DCLK2: variants seen among roughly 807,000 people sequenced by gnomAD.
DCLK2 encodes serine/threonine-protein kinase DCLK2.
A neutral mutation model predicts 78.4 loss-of-function variants in DCLK2; 31 were observed. The observed-to-expected ratio is 0.40, with a 90% CI of 0.30 to 0.53. DCLK2 has a LOEUF of 0.53. Among genes scored for constraint, DCLK2 ranks in the 20% least tolerant of loss-of-function variants. The pLI is 0.61. For synonymous variants in DCLK2, 407 were observed against 374.9 expected, an observed-to-expected ratio of 1.09 and a Z score of -0.99; for missense variants, 872 against 973.7, an observed-to-expected ratio of 0.90 and a Z score of 1.39.
At chr4:150,127,837 C>T (rs1733026467) in intron 2 of DCLK2, among the ~76,000 whole-genome samples, 1 of 152,146 alleles carries the variant, frequency 6.6e-6, no homozygotes, top group African/African-American at 2.4e-5. Context: ...GGTTATTGCC[C>T]AGTATAAGAG....
chr4:150,231,439 T>C (rs2169084), intron 8 of DCLK2, among the ~76,000 whole-genome samples: 1 of 152,252 alleles, frequency 6.6e-6, no homozygotes. Context: ...TCATTTGTTA[T>C]AATTTCTATT....
chr4:150,169,299 T>G (rs964508050), intron 2 of DCLK2, among the ~76,000 whole-genome samples: 1 of 152,232 alleles, frequency 6.6e-6, no homozygotes, highest in Non-Finnish European at 1.5e-5. Flanking sequence ...TTAAAAACTT[T>G]AGACAAATTA....
At chr4:150,217,735 A>G (rs1414465101) in intron 5 of DCLK2, among the ~76,000 whole-genome samples, 1 of 152,206 alleles carries the variant, frequency 6.6e-6, no homozygotes, top group South Asian at 2.1e-4. Context: ...GTTCAGCTGC[A>G]CTATAATAAA....
In DCLK2 at chr4:150,079,927, G is replaced by T. The variant is rs1020132648; in HGVS notation, c.421+479G>T. On this transcript the variant is annotated intron_variant, in intron 1 of 15. Coordinates refer to ENST00000296550, the MANE Select transcript of DCLK2 (RefSeq NM_001040260.4). ...TGCTCTAGGTTGGCTTTCCTAGTTT[G>T]CCTTGCAGCAGAAGTTACTTGAGGT... Among the ~76,000 whole-genome samples, 10 of 152,264 alleles carry T rather than the reference G, an allele frequency of 6.6e-5. No homozygotes were observed. In the East Asian group the frequency reaches 1.9e-3, roughly 29 times the overall value.
At chr4:150,217,576 C>T (rs1273934353) in intron 5 of DCLK2, among the ~76,000 whole-genome samples, 1 of 152,198 alleles carries the variant, frequency 6.6e-6, no homozygotes, top group Non-Finnish European at 1.5e-5. Context: ...GTGCACCTAT[C>T]CCTCCTCATA....
At chr4:150,107,131 T>C (rs914019943) in intron 2 of DCLK2, among the ~76,000 whole-genome samples, 1 of 152,278 alleles carries the variant, frequency 6.6e-6, no homozygotes, top group African/African-American at 2.4e-5. Flanking sequence ...AGCCACGACA[T>C]CATCCTTTCT....
At position 150,253,455 on chromosome 4, in the gene DCLK2, T is replaced by C. The variant is rs528058557; in HGVS notation, c.2074-2565T>C. On this transcript the variant is annotated intron_variant, in intron 15 of 15. Transcript: ENST00000296550. The stretch of plus-strand genomic sequence containing the variant: ...AAAAAAAGTAAAGTTGATGGTGTTA[T>C]CTGCATTTTGTTTGACAGTTTGATT... The C allele has an allele frequency of 2.7e-5, 35 of 1,289,708 alleles. No homozygotes were observed. The African/African-American group carries it at 3.5e-4, about 13-fold the overall frequency. 79.9% of individuals were successfully genotyped at this position (1,289,708 alleles called of 1,614,324 possible). A position where few individuals can be genotyped will look rare whatever the true frequency, so the allele number is the denominator to read the frequency against.
At chr4:150,213,998 A>G (rs1458641626) in intron 5 of DCLK2, among the ~76,000 whole-genome samples, 1 of 152,232 alleles carries the variant, frequency 6.6e-6, no homozygotes, top group Non-Finnish European at 1.5e-5. Context: ...TTCACAGGTC[A>G]ATGGAGATGA....
At chr4:150,243,273 G>C (rs1462251594) in intron 12 of DCLK2, among the ~76,000 whole-genome samples, 6 of 152,140 alleles carry the variant, frequency 3.9e-5, no homozygotes, top group African/African-American at 1.4e-4. Context: ...CTTATATGCT[G>C]CCTTCAGAAG....
intron 2 of DCLK2, among the ~76,000 whole-genome samples, chr4:150,171,026 AT>A (rs1736490114): frequency 1.3e-5 from 2 of 152,216 alleles, no homozygotes; most frequent in South Asian, 4.1e-4. Context: ...TTCTTAATTT[AT>A]TTGGTCTTCT....
intron 15 of DCLK2, chr4:150,253,613 G>A (rs1744345361): frequency 3.4e-5 from 44 of 1,283,434 alleles, no homozygotes; most frequent in Non-Finnish European, 4.4e-5. Context: ...TCTCACGCCT[G>A]CATGCTTGTC....
chr4:150,243,374 T>C (rs1743067104), intron 12 of DCLK2, among the ~76,000 whole-genome samples: 1 of 151,074 alleles, frequency 6.6e-6, no homozygotes, highest in Admixed American at 6.6e-5. Flanking sequence ...TCTGTAATGT[T>C]AAACGTGTGT....
chr4:150,168,351 A>C (rs1736262147), intron 2 of DCLK2, among the ~76,000 whole-genome samples: 1 of 151,984 alleles, frequency 6.6e-6, no homozygotes, highest in Non-Finnish European at 1.5e-5. Context: ...CATCTCAAAA[A>C]AAAAAAAAAA....
intron 10 of DCLK2, among the ~76,000 whole-genome samples, chr4:150,238,802 G>T (rs559007473): frequency 3.3e-5 from 5 of 152,094 alleles, no homozygotes; most frequent in Non-Finnish European, 7.4e-5. Context: ...TGACTTCAGA[G>T]GTCACACAAC....
At chr4:150,138,993 TA>T (rs148410999) in intron 2 of DCLK2, among the ~76,000 whole-genome samples, 41,093 of 145,510 alleles carry the variant, frequency 0.28, 6,870 homozygotes, top group South Asian at 0.6. Context: ...TTTTTAAATT[TA>T]AAAAAAAAAA....
chr4:150,178,892 T>A (rs1251384826), intron 2 of DCLK2, among the ~76,000 whole-genome samples: 1 of 152,156 alleles, frequency 6.6e-6, no homozygotes, highest in Non-Finnish European at 1.5e-5. Context: ...ATGCAACAAA[T>A]CAGAAGTTGG....
intron 1 of DCLK2, among the ~76,000 whole-genome samples, chr4:150,101,117 T>C (rs1169465194): frequency 6.6e-6 from 1 of 152,108 alleles, no homozygotes; most frequent in East Asian, 1.9e-4. Context: ...TAGCCAGGCA[T>C]AGTGGCATGT....
chr4:150,218,632 A>G (rs1740931396), intron 5 of DCLK2, among the ~76,000 whole-genome samples: 1 of 152,212 alleles, frequency 6.6e-6, no homozygotes, highest in Admixed American at 6.5e-5. Context: ...CACTCTGCTC[A>G]AAGTCCTGAG....
At chr4:150,191,916 G>A (rs889261219) in intron 2 of DCLK2, among the ~76,000 whole-genome samples, 1 of 152,102 alleles carries the variant, frequency 6.6e-6, no homozygotes, top group Non-Finnish European at 1.5e-5. Flanking sequence ...AAAACTTAAC[G>A]AATATTGAGA....
Sources: allele counts gnomAD v4.1 joint callset (sites outside exome capture counted in the v4.1 genomes callset), GRCh38; gene constraint gnomAD v4.1.1; transcripts MANE v1.5; gene names NCBI Gene and HGNC (gene_info 2026-07-23, HGNC 2026-07-21).